Variants in STX11 observed in about 807,000 individuals in gnomAD.
STX11 encodes the protein syntaxin 11, also known as syntaxin-11.
In STX11, 21 loss-of-function variants were observed where a neutral mutation model predicts 19.9. The observed-to-expected ratio is 1.06, with a 90% CI of 0.75 to 1.52. STX11 has a LOEUF of 1.52. Among genes scored for constraint, STX11 ranks in the 40% most tolerant of loss-of-function variants. The probability of loss-of-function intolerance (pLI) is 0.00; values close to 1 mark genes in which losing one functional copy is unlikely to be tolerated. For synonymous variants in STX11, 193 were observed against 174.4 expected, an observed-to-expected ratio of 1.11 and a Z score of -0.84; for missense variants, 438 against 405.9, an observed-to-expected ratio of 1.08 and a Z score of -0.68.
chr6:144,187,620 A>C lies in STX11; in HGVS notation c.*129A>C. 1 of 1,279,594 alleles carries C rather than the reference A, an allele frequency of 7.8e-7. No individual in the cohort carries two copies. The highest frequency in any genetic ancestry group is 1.3e-5 in the South Asian group (1 of 74,694). 79.3% of individuals were successfully genotyped at this position (1,279,594 alleles called of 1,614,324 possible). ...TTCCGGAACTCAGTCTTTAGAAAAGAAACGCCAGGTTCAAGAATTGCAAAC... is the reference window on the plus strand; with the variant it reads ...TTCCGGAACTCAGTCTTTAGAAAAGCAACGCCAGGTTCAAGAATTGCAAAC... On this transcript the variant is annotated 3_prime_UTR_variant, in exon 2 of 2. Coordinates refer to ENST00000367568, the MANE Select transcript of STX11 (RefSeq NM_003764.4). The surrounding 1 kb of genome is among the most constrained non-coding windows in gnomAD (Gnocchi z 5.6).
At chr6:144,161,455 C>T (rs1003566869) in intron 1 of STX11, among the ~76,000 whole-genome samples, 4 of 152,166 alleles carry the variant, frequency 2.6e-5, no homozygotes, top group Non-Finnish European at 4.4e-5. Context: ...GCAACCCCCG[C>T]CTCCCAGGTT....
rs1802148714 is a variant in STX11, at chr6:144,189,105, C to T, written c.*1614C>T. On this transcript the variant is annotated 3_prime_UTR_variant, in exon 2 of 2. Coordinates refer to ENST00000367568, the MANE Select transcript of STX11 (RefSeq NM_003764.4). The stretch of plus-strand genomic sequence containing the variant: ...GTGGCATAATCATGGCTTACTGCAG[C>T]CTTAAACTCCCAGGCTCAAGTGATC... Among the ~76,000 whole-genome samples the T allele has an allele frequency of 6.6e-6, 1 of 152,062 alleles. No individual in the cohort carries two copies. Among genetic ancestry groups the T allele is most frequent in the African/African-American group, 2.4e-5 (1 of 41,380 alleles).
In STX11 at chr6:144,172,263, C is replaced by T. The variant is rs1170708463; in HGVS notation, c.-5-14360C>T. 2.0e-5 allele frequency among the ~76,000 whole-genome samples: 3 copies of T among 152,154 alleles called. No homozygotes were observed. Among genetic ancestry groups the T allele is most frequent in the Non-Finnish European group, 2.9e-5 (2 of 68,022 alleles). ...ACAACAGTCTCTGGCAGATAGTAAG[C>T]ACCTGTGATTCTTCTACGGATCTCA... On this transcript the variant is annotated intron_variant, in intron 1 of 1. Transcript: ENST00000367568. The surrounding 1 kb of genome is among the most constrained non-coding windows in gnomAD (Gnocchi z 4.2).
chr6:144,163,615 A>C lies in STX11; in HGVS notation c.-6+12912A>C, dbSNP rs533804127. 3.3e-5 allele frequency among the ~76,000 whole-genome samples: 5 copies of C among 152,214 alleles called. No individual in the cohort carries two copies. In the South Asian group the frequency reaches 8.3e-4, roughly 25 times the overall value. ...TGCCTCTGCCTCCCAAGTAGCTGAG[A>C]TAACAGGCACCTGCCACCACACCTG... On this transcript the variant is annotated intron_variant, in intron 1 of 1. Coordinates refer to ENST00000367568, the MANE Select transcript of STX11 (RefSeq NM_003764.4).
upstream of STX11, among the ~76,000 whole-genome samples, chr6:144,150,154 C>G (rs1562652656): frequency 6.6e-6 from 1 of 152,230 alleles, no homozygotes; most frequent in Non-Finnish European, 1.5e-5. Flanking sequence ...CGGCTTCCAG[C>G]GTCCTCGCCG....
upstream of STX11, among the ~76,000 whole-genome samples, chr6:144,150,284 T>C (rs1352827183): frequency 6.6e-6 from 1 of 152,186 alleles, no homozygotes; most frequent in Non-Finnish European, 1.5e-5. Context: ...GCGGCAAACA[T>C]CCCACTCCCC....
Position 144,183,730 on chromosome 6 carries a change from T to C in STX11, c.-5-2893T>C, listed in dbSNP as rs919778843. On this transcript the variant is annotated intron_variant, in intron 1 of 1. Coordinates refer to ENST00000367568, the MANE Select transcript of STX11 (RefSeq NM_003764.4). The surrounding 1 kb of genome is among the most constrained non-coding windows in gnomAD (Gnocchi z 4.6). The stretch of plus-strand genomic sequence containing the variant: ...ATACTGATTTTATTATTTTATCTTA[T>C]TTTATGTTTTTAAGTTCCGGGGTAC... Among the ~76,000 whole-genome samples the C allele has an allele frequency of 2.0e-5, 3 of 152,326 alleles. No homozygotes were observed. Among genetic ancestry groups the C allele is most frequent in the East Asian group, 3.9e-4 (2 of 5,188 alleles).
chr6:144,166,506 GTTTCT>G (rs1332250854), intron 1 of STX11, among the ~76,000 whole-genome samples: 1 of 135,066 alleles, frequency 7.4e-6, no homozygotes, highest in African/African-American at 2.7e-5. Context: ...CTTTCTTTCT[GTTTCT>G]TTTCTTTTCT....
intron 1 of STX11, 51 bp downstream of exon 1, chr6:144,150,754 C>G: frequency 5.5e-6 from 1 of 181,028 alleles, no homozygotes; most frequent in Non-Finnish European, 9.3e-6. Flanking sequence ...CTATTTTCCC[C>G]GTGCGCGGAG....
At position 144,160,878 on chromosome 6, in the gene STX11, C is replaced by T. The variant is rs1801318052; in HGVS notation, c.-6+10175C>T. On this transcript the variant is annotated intron_variant, in intron 1 of 1. Transcript: ENST00000367568. The surrounding 1 kb of genome is among the most constrained non-coding windows in gnomAD (Gnocchi z 4.3). ...ATGTGTGAGGTCCTGTGATGACGACCATTTGCCATGTATTTTCATATCTTT... is the reference window on the plus strand; with the variant it reads ...ATGTGTGAGGTCCTGTGATGACGACTATTTGCCATGTATTTTCATATCTTT... Among the ~76,000 whole-genome samples the T allele has an allele frequency of 1.3e-5, 2 of 151,548 alleles. No homozygotes were observed. Among genetic ancestry groups the T allele is most frequent in the South Asian group, 2.1e-4 (1 of 4,822 alleles).
At chr6:144,145,548 CACA>C (rs1431598380), upstream of STX11, among the ~76,000 whole-genome samples, 18 of 152,128 alleles carry the variant, frequency 1.2e-4, no homozygotes, top group African/African-American at 3.9e-4. Flanking sequence ...GATATATATA[CACA>C]ACGAGGTACT....
rs183980991 is a variant in STX11 at position 144,169,667 on chromosome 6, T to C, written c.-5-16956T>C. ...TTTTCTTTTCCCTCCCTCCCTCCCT[T>C]CCTTCCTTCCTTCCTTCCTTCTTTC... On this transcript the variant is annotated intron_variant, in intron 1 of 1. Coordinates refer to ENST00000367568, the MANE Select transcript of STX11 (RefSeq NM_003764.4). The surrounding 1 kb of genome is among the most constrained non-coding windows in gnomAD (Gnocchi z 5.2). Among the ~76,000 whole-genome samples the C allele has an allele frequency of 2.7e-3, 380 of 142,072 alleles. 1 individual carries two copies. The highest frequency in any genetic ancestry group is 9.2e-3 in the African/African-American group (359 of 39,184). The allele number at this position is 142,072 out of a possible 152,430, so 93.2% of individuals were successfully genotyped here. A position where few individuals can be genotyped will look rare whatever the true frequency, so the allele number is the denominator to read the frequency against.
rs908178966 is a variant in STX11 at position 144,167,552 on chromosome 6, A to G, written c.-6+16849A>G. The stretch of plus-strand genomic sequence containing the variant: ...GGACAATCTGTGCTTGCTTGGTATC[A>G]CCATCATTCCTGACTCTGAATTTAC... On this transcript the variant is annotated intron_variant, in intron 1 of 1. Transcript: ENST00000367568. This position sits in a 1 kb window ranked among gnomAD's most constrained non-coding sequence, Gnocchi z 5.0. 1.3e-5 allele frequency among the ~76,000 whole-genome samples: 2 copies of G among 152,246 alleles called. No homozygotes were observed. The highest frequency in any genetic ancestry group is 2.9e-5 in the Non-Finnish European group (2 of 68,044).
At position 144,184,602 on chromosome 6, in the gene STX11, G is replaced by A. The variant is rs916802912; in HGVS notation, c.-5-2021G>A. ...AAAGATTATTTAGTGCATTGGTTAA[G>A]TGGTGCTATTCTAACGCCTGAGTGT... On this transcript the variant is annotated intron_variant, in intron 1 of 1. Coordinates refer to ENST00000367568, the MANE Select transcript of STX11 (RefSeq NM_003764.4). The surrounding 1 kb of genome is among the most constrained non-coding windows in gnomAD (Gnocchi z 6.5). Among the ~76,000 whole-genome samples the A allele has an allele frequency of 6.6e-6, 1 of 152,178 alleles. No individual in the cohort carries two copies. The highest frequency in any genetic ancestry group is 2.4e-5 in the African/African-American group (1 of 41,448).
At chr6:144,178,235 C>G (rs1801822370) in intron 1 of STX11, among the ~76,000 whole-genome samples, 1 of 152,118 alleles carries the variant, frequency 6.6e-6, no homozygotes, top group Non-Finnish European at 1.5e-5. Context: ...TGACTTTAGG[C>G]AAACTGCTTA....
Position 144,167,972 on chromosome 6 carries a change from T to A in STX11, c.-6+17269T>A, listed in dbSNP as rs1419331545. 1.3e-5 allele frequency among the ~76,000 whole-genome samples: 2 copies of A among 151,538 alleles called. No individual in the cohort carries two copies. On this transcript the variant is annotated intron_variant, in intron 1 of 1. Transcript: ENST00000367568. The surrounding 1 kb of genome is among the most constrained non-coding windows in gnomAD (Gnocchi z 5.0). ...ACATAAGTACTTATGGTAAAAAAAA[T>A]AACATACCATTAATACAGTGAAAAA...
chr6:144,159,295 A>C lies in STX11; in HGVS notation c.-6+8592A>C, dbSNP rs1437510041. On this transcript the variant is annotated intron_variant, in intron 1 of 1. Transcript: ENST00000367568. The surrounding 1 kb of genome is among the most constrained non-coding windows in gnomAD (Gnocchi z 4.3). ...AGCAGAGAAGATAAGTAACAATTGA[A>C]TATGTTATCAAACAACTACCAATAA... is the stretch of plus-strand genomic sequence containing the variant. Among the ~76,000 whole-genome samples the C allele has an allele frequency of 6.6e-6, 1 of 152,264 alleles. No homozygotes were observed. Among genetic ancestry groups the C allele is most frequent in the Non-Finnish European group, 1.5e-5 (1 of 68,048 alleles).
In STX11 at chr6:144,182,070, A is replaced by C. The variant is rs560843708; in HGVS notation, c.-5-4553A>C. 1.3e-4 allele frequency among the ~76,000 whole-genome samples: 20 copies of C among 152,216 alleles called. No homozygotes were observed. Among genetic ancestry groups the C allele is most frequent in the Non-Finnish European group, 1.9e-4 (13 of 68,034 alleles). On this transcript the variant is annotated intron_variant, in intron 1 of 1. Transcript: ENST00000367568. This position sits in a 1 kb window ranked among gnomAD's most constrained non-coding sequence, Gnocchi z 4.8. Reference sequence around the variant, plus strand: ...GTTTATTACATTATCTTTTATTACAATAAGACAGGAAGGTCAGTGGAATTG... The same window carrying C: ...GTTTATTACATTATCTTTTATTACACTAAGACAGGAAGGTCAGTGGAATTG...
Position 144,186,647 on chromosome 6 carries a change from A to C in STX11, c.20A>C (p.Glu7Ala), listed in dbSNP as rs201888313. The C allele has an allele frequency of 6.2e-7, 1 of 1,614,030 alleles. No individual in the cohort carries two copies. Among genetic ancestry groups the C allele is most frequent in the Non-Finnish European group, 8.5e-7 (1 of 1,180,062 alleles). ...GGCAAAATGAAAGACCGGCTAGCAG[A>C]ACTTCTGGACTTGTCCAAGCAATAT... is the stretch of plus-strand genomic sequence containing the variant. MKDRLA[E>A]LLDLSKQYDQ... Residue 7 changes from glutamate to alanine, a missense_variant, in exon 2 of 2, where the codon GAA (glutamate) becomes GCA (alanine). Physicochemically the swap from Glu to Ala is moderately radical, Grantham distance 107. Coordinates refer to ENST00000367568, the MANE Select transcript of STX11 (RefSeq NM_003764.4).
Sources: allele counts gnomAD v4.1 joint callset (sites outside exome capture counted in the v4.1 genomes callset), GRCh38; gene constraint gnomAD v4.1.1; non-coding constraint Gnocchi (gnomAD v3.1); transcripts MANE v1.5; gene names NCBI Gene and HGNC (gene_info 2026-07-23, HGNC 2026-07-21).